CERCAM: variants seen among roughly 807,000 people sequenced by gnomAD.
The protein encoded by CERCAM is inactive glycosyltransferase 25 family member 3.
A neutral mutation model predicts 66.0 loss-of-function variants in CERCAM; 59 were observed. That is an observed-to-expected ratio of 0.89 (90% CI 0.73 to 1.11). CERCAM has a LOEUF of 1.11. Among genes scored for constraint, CERCAM ranks in the 50% most tolerant of loss-of-function variants. The pLI is 0.00. For missense variants in CERCAM, 840 were observed against 828.3 expected, an observed-to-expected ratio of 1.01 and a Z score of -0.17; for synonymous variants, 318 against 343.6, an observed-to-expected ratio of 0.93 and a Z score of 0.83.
intron 3 of CERCAM, among the ~76,000 whole-genome samples, chr9:128,423,807 G>A (rs914618167): frequency 1.3e-5 from 2 of 152,074 alleles, no homozygotes; most frequent in East Asian, 1.9e-4. Flanking sequence ...ACTGAGCCTC[G>A]ATTTCTGGGC....
intron 6 of CERCAM, 56 bp downstream of exon 6, chr9:128,428,477 C>G: frequency 6.3e-7 from 1 of 1,599,846 alleles, no homozygotes; most frequent in South Asian, 1.1e-5. Context: ...TGCCTCCCCA[C>G]GGTGCCCCTT....
Position 128,420,957 on chromosome 9 carries a change from A to C in CERCAM, c.80A>C (p.Glu27Ala). 6.8e-7 allele frequency: 1 copy of C among 1,462,668 alleles called. No individual in the cohort carries two copies. Among genetic ancestry groups the C allele is most frequent in the Non-Finnish European group, 9.0e-7 (1 of 1,109,608 alleles). The allele number at this position is 1,462,668 out of a possible 1,614,324, so 90.6% of individuals were successfully genotyped here. The change falls in exon 1 of 13, where the codon GAG becomes GCG. Residue 27 changes from glutamate to alanine, a missense_variant. Glu to Ala is a moderately radical substitution (Grantham distance 107). Coordinates refer to ENST00000372838, the MANE Select transcript of CERCAM (RefSeq NM_016174.5). This position sits in a 1 kb window ranked among gnomAD's most constrained non-coding sequence, Gnocchi z 5.0. ...TGGCTGGAGGCTGCGGGCGTTGCGG[A>C]GTCGCCGCTGCCCGCCGTGGTCCTT... ...GPWLEAAGVA[E>A]SPLPAVVLAI... is the part of the protein sequence containing the mutation.
In CERCAM at chr9:128,437,076, C is replaced by T. The variant is rs1185557782; in HGVS notation, c.*228C>T. ...GGAGCAGGACTCCCAGGCCCCTGTA[C>T]CCTGCCTGGCCTGATTCAGGGCCTT... On this transcript the variant is annotated 3_prime_UTR_variant, in exon 13 of 13. Transcript: ENST00000372838. 4 of 152,464 alleles carry T rather than the reference C, an allele frequency of 2.6e-5. No individual in the cohort carries two copies. The highest frequency in any genetic ancestry group is 4.4e-5 in the Non-Finnish European group (3 of 68,114). The allele number at this position is 152,464 out of a possible 1,614,324, so 9.4% of individuals were successfully genotyped here.
chr9:128,429,681 A>G (rs1833930112), intron 8 of CERCAM, among the ~76,000 whole-genome samples: 1 of 151,836 alleles, frequency 6.6e-6, no homozygotes, highest in Non-Finnish European at 1.5e-5. Flanking sequence ...TGCCACAAAC[A>G]TGGCTCACTG....
intron 8 of CERCAM, chr9:128,430,936 GA>G (rs1375150057): frequency 1.1e-5 from 5 of 435,726 alleles, no homozygotes; most frequent in Admixed American, 3.9e-5. Flanking sequence ...TTGAACCTGG[GA>G]GGTAGAGGTT....
chr9:128,423,047 A>G, intron 2 of CERCAM, 69 bp downstream of exon 2: 1 of 1,609,510 alleles, frequency 6.2e-7, no homozygotes, highest in Non-Finnish European at 8.5e-7. Context: ...GAAAAGGGAC[A>G]GCCCAGAGCC....
intron 8 of CERCAM, among the ~76,000 whole-genome samples, chr9:128,430,061 C>T (rs114052435): frequency 0.014 from 2,104 of 152,092 alleles, 49 homozygotes; most frequent in African/African-American, 0.046. Context: ...GCCTCAGCCT[C>T]CTGAATAACG....
rs1326711422 is a variant in CERCAM, at chr9:128,424,188, C to T, written c.477C>T (p.Leu159=). 4 of 1,614,220 alleles carry T rather than the reference C, an allele frequency of 2.5e-6. No homozygotes were observed. The Admixed American group carries it at 6.7e-5, about 27-fold the overall frequency. The change falls in exon 4 of 13, where the codon CTC becomes CTT. Residue 159 remains leucine (L), a synonymous_variant. Coordinates refer to ENST00000372838, the MANE Select transcript of CERCAM (RefSeq NM_016174.5). ...ILTNNQTLRL[L]MGQGLPVVAP... is the part of the protein sequence containing the mutation. ...CCAACAATCAGACTCTGCGGCTTCT[C>T]ATGGGGCAGGGGCTTCCAGTGGTGG...
intron 1 of CERCAM, 122 bp from the exon 2 acceptor site, chr9:128,422,746 C>A: frequency 1.8e-6 from 2 of 1,128,584 alleles, no homozygotes; most frequent in Non-Finnish European, 2.5e-6. Flanking sequence ...CTGTAGCACA[C>A]CTACCCTTCA....
In CERCAM at chr9:128,434,359, C is replaced by T. The variant is rs1424869894; in HGVS notation, c.1332-51C>T. The T allele has an allele frequency of 2.5e-6, 4 of 1,605,168 alleles. No individual in the cohort carries two copies. Among genetic ancestry groups the T allele is most frequent in the Non-Finnish European group, 3.4e-6 (4 of 1,173,258 alleles). ...TGTAGGAGCGGGTGTGGGAGGGTCCCATGACACCCAGGACCTAAGTGACTC... is the reference window on the plus strand; with the variant it reads ...TGTAGGAGCGGGTGTGGGAGGGTCCTATGACACCCAGGACCTAAGTGACTC... On this transcript the variant is annotated intron_variant, in intron 10 of 12. Coordinates refer to ENST00000372838, the MANE Select transcript of CERCAM (RefSeq NM_016174.5). This position sits in a 1 kb window ranked among gnomAD's most constrained non-coding sequence, Gnocchi z 4.5.
At chr9:128,424,344 G>A in intron 4 of CERCAM, 66 bp from the exon 5 acceptor site, 14 of 1,612,320 alleles carry the variant, frequency 8.7e-6, no homozygotes, top group Non-Finnish European at 1.2e-5. Flanking sequence ...GAGAGCCTGA[G>A]GCCTTGGGGT....
chr9:128,424,431 G>T lies in CERCAM; in HGVS notation c.583G>T (p.Glu195Ter), dbSNP rs373601449. Residue 195 changes from glutamate to a stop codon, truncating the protein, a stop_gained, in exon 5 of 13, where the codon GAG (glutamate) becomes TAG (stop). Coordinates refer to ENST00000372838, the MANE Select transcript of CERCAM (RefSeq NM_016174.5). LOFTEE classifies it high-confidence loss of function. The part of the protein sequence containing the change: ...TPQGYYRRTA[E>*]YFPTKNRQRR... ...CCAGGGCTACTACCGCCGCACAGCCGAGTACTTCCCCACCAAGAACCGCCA... is the reference window on the plus strand; with the variant it reads ...CCAGGGCTACTACCGCCGCACAGCCTAGTACTTCCCCACCAAGAACCGCCA... The T allele has an allele frequency of 6.2e-7, 1 of 1,613,882 alleles. No individual in the cohort carries two copies. Among genetic ancestry groups the T allele is most frequent in the Non-Finnish European group, 8.5e-7 (1 of 1,180,032 alleles).
At position 128,428,951 on chromosome 9, in the gene CERCAM, C is replaced by A; in HGVS notation, c.985C>A (p.Arg329Ser). ...CCAGGTCTTTGTCATCAGCCTGGCT[C>A]GCAGGCCTGACCGTCGGGAACGCAT... ...FDEVFVISLA[R>S]RPDRRERMLA... Residue 329 changes from arginine to serine, a missense_variant, in exon 8 of 13, where the codon CGC becomes AGC. Transcript: ENST00000372838. The A allele has an allele frequency of 6.2e-7, 1 of 1,610,110 alleles. No individual in the cohort carries two copies. The highest frequency in any genetic ancestry group is 8.5e-7 in the Non-Finnish European group (1 of 1,178,406).
At chr9:128,429,757 G>A (rs1190953063) in intron 8 of CERCAM, among the ~76,000 whole-genome samples, 1 of 151,812 alleles carries the variant, frequency 6.6e-6, no homozygotes, top group Non-Finnish European at 1.5e-5. Flanking sequence ...GGGACTATAG[G>A]TGTGCACTAT....
chr9:128,424,298 T>C, intron 4 of CERCAM, 26 bp downstream of exon 4: 10 of 1,613,068 alleles, frequency 6.2e-6, no homozygotes, highest in Non-Finnish European at 8.5e-6. Context: ...GGGCCTTGGG[T>C]GGACTGAGGT....
Position 128,428,325 on chromosome 9 carries a change from G to T in CERCAM, c.790G>T (p.Glu264Ter). ...AAGVSVHVCN[E>*]HRYGYMNVPV... ...AGGGGTCTCCGTCCACGTGTGCAATGAGCACCGTTATGGGTACATGAATGT... is the reference window on the plus strand; with the variant it reads ...AGGGGTCTCCGTCCACGTGTGCAATTAGCACCGTTATGGGTACATGAATGT... The change falls in exon 6 of 13, where the codon GAG (glutamate) becomes TAG (stop). Residue 264 changes from glutamate to a stop codon, truncating the protein, a stop_gained. Coordinates refer to ENST00000372838, the MANE Select transcript of CERCAM (RefSeq NM_016174.5). LOFTEE classifies it high-confidence loss of function. The T allele has an allele frequency of 6.2e-7, 1 of 1,614,056 alleles. No individual in the cohort carries two copies. Among genetic ancestry groups the T allele is most frequent in the South Asian group, 1.1e-5 (1 of 91,058 alleles).
Position 128,431,232 on chromosome 9 carries a change from C to G in CERCAM, c.1132C>G (p.Pro378Ala), listed in dbSNP as rs1241120502. 3 of 1,614,066 alleles carry G rather than the reference C, an allele frequency of 1.9e-6. No individual in the cohort carries two copies. The highest frequency in any genetic ancestry group is 1.1e-5 in the South Asian group (1 of 91,088). Residue 378 changes from proline (P) to alanine (A), a missense_variant, in exon 9 of 13, where the codon CCT becomes GCT. Transcript: ENST00000372838. ...AGACCTGCTCCCGGGCTACCAGGAC[C>G]CTTACTCGGGCCGCACTCTGACCAA... ...GVDLLPGYQDPYSGRTLTKGE... is the reference protein window; with the variant it reads ...GVDLLPGYQDAYSGRTLTKGE...
Position 128,434,450 on chromosome 9 carries a change from G to T in CERCAM, c.1372G>T (p.Ala458Ser). The change falls in exon 11 of 13, where the codon GCC becomes TCC. Residue 458 changes from alanine to serine, a missense_variant. By Grantham distance (99) the Ala-to-Ser change is moderately conservative (BLOSUM62 1). Coordinates refer to ENST00000372838, the MANE Select transcript of CERCAM (RefSeq NM_016174.5). This position sits in a 1 kb window ranked among gnomAD's most constrained non-coding sequence, Gnocchi z 4.5. Reference sequence around the variant, plus strand: ...GCAGGTGAACCCTGAGAAGGAGACGGCCGTGGAGGGGCTGCCGGGCCTGGT... The same window carrying T: ...GCAGGTGAACCCTGAGAAGGAGACGTCCGTGGAGGGGCTGCCGGGCCTGGT... ...RKQVNPEKET[A>S]VEGLPGLVVA... 6.2e-7 allele frequency: 1 copy of T among 1,614,050 alleles called. No individual in the cohort carries two copies. Among genetic ancestry groups the T allele is most frequent in the Non-Finnish European group, 8.5e-7 (1 of 1,180,022 alleles).
intron 5 of CERCAM, among the ~76,000 whole-genome samples, chr9:128,426,112 C>T (rs760472526): frequency 5.3e-5 from 8 of 152,018 alleles, no homozygotes; most frequent in Non-Finnish European, 1.0e-4. Context: ...CTGCGAGATC[C>T]CATCTCTACA....
Sources: allele counts gnomAD v4.1 joint callset (sites outside exome capture counted in the v4.1 genomes callset), GRCh38; gene constraint gnomAD v4.1.1; non-coding constraint Gnocchi (gnomAD v3.1); transcripts MANE v1.5; gene names NCBI Gene and HGNC (gene_info 2026-07-23, HGNC 2026-07-21).